DOCK2: variants seen among roughly 807,000 people sequenced by gnomAD.
The protein encoded by DOCK2 is dedicator of cytokinesis 2, also known as dedicator of cytokinesis protein 2.
DOCK2 carries 87 observed loss-of-function variants against 248.9 expected under a neutral mutation model. That is an observed-to-expected ratio of 0.35 (90% CI 0.29 to 0.42). The LOEUF (loss-of-function observed/expected upper bound fraction) is 0.42. DOCK2 is among the 10% of genes least tolerant of loss of function. The probability of loss-of-function intolerance (pLI) is 1.00; values close to 1 mark genes in which losing one functional copy is unlikely to be tolerated. For synonymous variants in DOCK2, 805 were observed against 821.6 expected (o/e 0.98, Z 0.35); for missense variants, 1,747 against 2,300.2 (o/e 0.76, Z 4.92).
chr5:169,711,683 A>G (rs1026537352), intron 15 of DOCK2, among the ~76,000 whole-genome samples: 1 of 152,214 alleles, frequency 6.6e-6, no homozygotes, highest in Non-Finnish European at 1.5e-5. Flanking sequence ...TTTCCTCACT[A>G]TAATTTACAG....
chr5:169,883,096 G>A (rs1184098185), intron 27 of DOCK2: 6 of 1,551,656 alleles, frequency 3.9e-6, no homozygotes, highest in East Asian at 2.4e-5. Context: ...TGTGCCTGGT[G>A]TGTGGCTGGC....
chr5:169,966,821 T>C (rs1385641794), intron 27 of DOCK2, among the ~76,000 whole-genome samples: 2 of 152,244 alleles, frequency 1.3e-5, no homozygotes, highest in Non-Finnish European at 2.9e-5. Flanking sequence ...CCAGCCATCA[T>C]GCAATGAGGA....
At chr5:169,981,563 T>C (rs1295771554) in intron 27 of DOCK2, among the ~76,000 whole-genome samples, 2 of 152,172 alleles carry the variant, frequency 1.3e-5, no homozygotes, top group Non-Finnish European at 2.9e-5. Flanking sequence ...TGACCTTTGA[T>C]GTTACTATTA....
At chr5:170,055,199 A>G (rs1757079273) in intron 41 of DOCK2, 106 bp from the exon 42 acceptor site, 5 of 1,039,838 alleles carry the variant, frequency 4.8e-6, no homozygotes, top group Non-Finnish European at 5.9e-6. Context: ...TTCAGTAAAA[A>G]TGTGGCCCCA....
chr5:169,770,486 G>T (rs991107721), intron 25 of DOCK2, among the ~76,000 whole-genome samples: 1 of 152,012 alleles, frequency 6.6e-6, no homozygotes, highest in African/African-American at 2.4e-5. Context: ...ACTTTGTAGA[G>T]ATAGGGTCTC....
chr5:169,791,285 A>T (rs1766323254), intron 25 of DOCK2, among the ~76,000 whole-genome samples: 1 of 152,212 alleles, frequency 6.6e-6, no homozygotes, highest in South Asian at 2.1e-4. Flanking sequence ...TGAAGTCATG[A>T]TTGCTGTTTG....
intron 27 of DOCK2, among the ~76,000 whole-genome samples, chr5:169,964,288 C>A (rs1426865275): frequency 6.6e-6 from 1 of 152,122 alleles, no homozygotes; most frequent in Non-Finnish European, 1.5e-5. Flanking sequence ...GGACTCTGGC[C>A]CCCATCAGGC....
At chr5:169,761,445 T>C in intron 24 of DOCK2, 74 bp from the exon 25 acceptor site, 1 of 1,258,344 alleles carries the variant, frequency 7.9e-7, no homozygotes, top group South Asian at 1.2e-5. Flanking sequence ...GGTCCAGGGA[T>C]GGACTGTAAG....
chr5:169,990,843 A>T (rs888847791), intron 29 of DOCK2, among the ~76,000 whole-genome samples: 1 of 152,190 alleles, frequency 6.6e-6, no homozygotes, highest in Non-Finnish European at 1.5e-5. Flanking sequence ...TTCACATGAT[A>T]CTGCCTGTGG....
rs774190772 is a variant in DOCK2, at chr5:169,695,827, A to G, written c.868A>G (p.Arg290Gly). ...GGATCTTGGAAACAAAGACCTCAAC[A>G]GGGATAAAATTTACTTGATTTGTCA... is the stretch of plus-strand genomic sequence containing the variant. ...FTDLGNKDLN[R>G]DKIYLICQIV... The change falls in exon 10 of 52, where the codon AGG becomes GGG. Residue 290 changes from arginine to glycine, a missense_variant. By Grantham distance (125) the Arg-to-Gly change is moderately radical (BLOSUM62 -2). This residue lies in a region of DOCK2 where 375 missense variants were observed against 510.9 expected (regional missense o/e 0.73). Transcript: ENST00000520908. 1 of 1,613,944 alleles carries G rather than the reference A, an allele frequency of 6.2e-7. No individual in the cohort carries two copies.
At chr5:170,080,366 G>C (rs1757986422) in intron 50 of DOCK2, 83 bp downstream of exon 50, 1 of 1,577,722 alleles carries the variant, frequency 6.3e-7, no homozygotes, top group Non-Finnish European at 8.6e-7. Context: ...GATGGGAACT[G>C]TGTCTACACA....
rs569060006 is a variant in DOCK2 at position 169,683,439 on chromosome 5, G to A, written c.607-757G>A. On this transcript the variant is annotated intron_variant, in intron 7 of 51. Coordinates refer to ENST00000520908, the MANE Select transcript of DOCK2 (RefSeq NM_004946.3). ...AGAGATGGGTTTTCACTATGTTGCC[G>A]AGGCTGATCTTGAATTCCTGGGCTC... Among the ~76,000 whole-genome samples, 22 of 152,064 alleles carry A rather than the reference G, an allele frequency of 1.4e-4. No individual in the cohort carries two copies. The South Asian group carries it at 3.9e-3, about 27-fold the overall frequency.
At chr5:169,807,660 G>A (rs940421667) in intron 26 of DOCK2, among the ~76,000 whole-genome samples, 39 of 151,570 alleles carry the variant, frequency 2.6e-4, no homozygotes, top group Admixed American at 1.6e-3. Flanking sequence ...GTGAAACCCC[G>A]TCTCTACTAA....
At chr5:169,946,581 T>G (rs769718665) in intron 27 of DOCK2, among the ~76,000 whole-genome samples, 1 of 152,220 alleles carries the variant, frequency 6.6e-6, no homozygotes, top group Non-Finnish European at 1.5e-5. Flanking sequence ...ATTCATTCAT[T>G]CATTCACTTT....
At chr5:169,980,979 G>A (rs530025945) in intron 27 of DOCK2, among the ~76,000 whole-genome samples, 1 of 152,174 alleles carries the variant, frequency 6.6e-6, no homozygotes, top group African/African-American at 2.4e-5. Context: ...GTGTGTGGGT[G>A]TGGTGGTCAC....
Position 169,712,164 on chromosome 5 carries a change from C to A in DOCK2, c.1600C>A (p.Leu534Met), listed in dbSNP as rs373197319. 3.7e-6 allele frequency: 6 copies of A among 1,614,096 alleles called. No homozygotes were observed. In the South Asian group the frequency reaches 6.6e-5, roughly 18 times the overall value. ...EKNFAMSYVK[L>M]MKEDGTTLHD... ...GAACTTTGCCATGTCCTATGTGAAGCTGATGAAAGAAGATGGGACTACTCT... is the reference window on the plus strand; with the variant it reads ...GAACTTTGCCATGTCCTATGTGAAGATGATGAAAGAAGATGGGACTACTCT... The change falls in exon 17 of 52, where the codon CTG (leucine) becomes ATG (methionine). Residue 534 changes from leucine (L) to methionine (M), a missense_variant. Transcript: ENST00000520908.
rs185822864 is a variant in DOCK2 at position 169,982,450 on chromosome 5, T to G, written c.2800-618T>G. Among the ~76,000 whole-genome samples the G allele has an allele frequency of 7.2e-5, 11 of 152,340 alleles. No individual in the cohort carries two copies. In the East Asian group the frequency reaches 1.9e-3, roughly 27 times the overall value. On this transcript the variant is annotated intron_variant, in intron 27 of 51. Transcript: ENST00000520908. ...CTTGATTTCCCTCTTCTTTGAATCT[T>G]TCTGGTACTTAGTTGGCTTTGCCAA...
At chr5:169,984,186 G>A (rs891579739) in intron 28 of DOCK2, among the ~76,000 whole-genome samples, 9 of 152,100 alleles carry the variant, frequency 5.9e-5, no homozygotes, top group African/African-American at 1.9e-4. Flanking sequence ...GCTAGTATGT[G>A]GTGGAGGTAA....
intron 9 of DOCK2, among the ~76,000 whole-genome samples, chr5:169,693,600 A>G (rs1246491313): frequency 6.6e-6 from 1 of 152,122 alleles, no homozygotes; most frequent in African/African-American, 2.4e-5. Flanking sequence ...CTGGACGTGA[A>G]ATAATTGGGA....
Sources: allele counts gnomAD v4.1 joint callset (sites outside exome capture counted in the v4.1 genomes callset), GRCh38; gene constraint gnomAD v4.1.1; regional missense constraint gnomAD v4.1.1; transcripts MANE v1.5; gene names NCBI Gene and HGNC (gene_info 2026-07-23, HGNC 2026-07-21).